CAMSAP2: variants seen among roughly 807,000 people sequenced by gnomAD.
The protein encoded by CAMSAP2 is calmodulin regulated spectrin associated protein family member 2.
A neutral mutation model predicts 146.1 loss-of-function variants in CAMSAP2; 26 were observed. The ratio of observed to expected loss-of-function variants is 0.18; its 90% CI spans 0.13 to 0.25. CAMSAP2 has a LOEUF of 0.25. Ranked by LOEUF, CAMSAP2 falls within the 10% of genes least tolerant of loss-of-function variation. CAMSAP2 has a pLI of 1.00. For synonymous variants in CAMSAP2, 499 were observed against 596.6 expected (o/e 0.84, Z 2.38); for missense variants, 1,381 against 1,759.3 (o/e 0.78, Z 3.85).
intron 2 of CAMSAP2, among the ~76,000 whole-genome samples, chr1:200,788,746 A>G (rs1179690855): frequency 2.0e-5 from 3 of 151,020 alleles, no homozygotes; most frequent in South Asian, 2.1e-4. Context: ...GGTTCAAGCA[A>G]TTCTCCTGCC....
At chr1:200,817,196 G>A (rs1394137924) in intron 4 of CAMSAP2, among the ~76,000 whole-genome samples, 1 of 84,946 alleles carries the variant, frequency 1.2e-5, no homozygotes, top group Admixed American at 1.3e-4. Context: ...ACACATGTGT[G>A]TGTGTATACA....
chr1:200,764,414 C>A (rs1040812580), intron 2 of CAMSAP2, among the ~76,000 whole-genome samples: 2 of 152,088 alleles, frequency 1.3e-5, no homozygotes, highest in Non-Finnish European at 2.9e-5. Context: ...AGAATTTACA[C>A]CAGACTGTTA....
Position 200,832,124 on chromosome 1 carries a change from G to T in CAMSAP2, c.646-76G>T, listed in dbSNP as rs780120893. ...GATTTATTTTATTACTGGTACATTA[G>T]AATTTACAGTACTGATTTTTTTCCT... On this transcript the variant is annotated intron_variant, in intron 4 of 16. Transcript: ENST00000358823. The surrounding 1 kb of genome is among the most constrained non-coding windows in gnomAD (Gnocchi z 4.2). The T allele has an allele frequency of 1.7e-6, 2 of 1,145,198 alleles. No individual in the cohort carries two copies. The highest frequency in any genetic ancestry group is 2.4e-6 in the Non-Finnish European group (2 of 818,186). The allele number at this position is 1,145,198 out of a possible 1,614,324, so 70.9% of individuals were successfully genotyped here. A position where few individuals can be genotyped will look rare whatever the true frequency, so the allele number is the denominator to read the frequency against.
At chr1:200,843,169 C>T (rs945571188) in intron 7 of CAMSAP2, among the ~76,000 whole-genome samples, 5 of 152,072 alleles carry the variant, frequency 3.3e-5, no homozygotes, top group Non-Finnish European at 5.9e-5. Flanking sequence ...AGCAGCTTTC[C>T]TTGGCTCCAA....
intron 2 of CAMSAP2, among the ~76,000 whole-genome samples, chr1:200,794,782 T>C (rs571597519): frequency 1.7e-4 from 26 of 152,344 alleles, no homozygotes; most frequent in Non-Finnish European, 2.9e-4. Flanking sequence ...TAGAGTCCCA[T>C]CTGCATTTCC....
At chr1:200,786,586 GT>G (rs59399865) in intron 2 of CAMSAP2, among the ~76,000 whole-genome samples, 26,096 of 152,108 alleles carry the variant, frequency 0.17, 2,981 homozygotes, top group East Asian at 0.35. Flanking sequence ...GTTTTGCCAT[GT>G]TGGCCAGGCT....
At chr1:200,829,023 C>T (rs577998349) in intron 4 of CAMSAP2, among the ~76,000 whole-genome samples, 8 of 152,006 alleles carry the variant, frequency 5.3e-5, no homozygotes, top group African/African-American at 9.6e-5. Flanking sequence ...GGCGTGGTGG[C>T]GCATGCCTGT....
chr1:200,754,069 G>A lies in CAMSAP2; in HGVS notation c.140-6770G>A, dbSNP rs539366062. The stretch of plus-strand genomic sequence containing the variant: ...GTGATGCCAGGAAGGCAGGGGAGGC[G>A]TGGGAAGTCTTCCTTCCCAGTACCT... On this transcript the variant is annotated intron_variant, in intron 1 of 16. Transcript: ENST00000358823. 7.2e-5 allele frequency among the ~76,000 whole-genome samples: 11 copies of A among 152,326 alleles called. No homozygotes were observed. The South Asian group carries it at 1.5e-3, about 20-fold the overall frequency.
At chr1:200,843,806 C>T (rs1051814329) in intron 7 of CAMSAP2, among the ~76,000 whole-genome samples, 1 of 151,990 alleles carries the variant, frequency 6.6e-6, no homozygotes, top group Non-Finnish European at 1.5e-5. Flanking sequence ...TCTATGAAAG[C>T]TTTCACAAAA....
rs1333219517 is a variant in CAMSAP2, at chr1:200,739,983, T to G, written c.139+17T>G. Reference sequence around the variant, plus strand: ...TTGGGACAGGTTAGTGGTGTCACCCTTTCCCTCCCCTCTTCCTCCTGATGT... The same window carrying G: ...TTGGGACAGGTTAGTGGTGTCACCCGTTCCCTCCCCTCTTCCTCCTGATGT... On this transcript the variant is annotated intron_variant, in intron 1 of 16. Coordinates refer to ENST00000358823, the MANE Select transcript of CAMSAP2 (RefSeq NM_203459.4). The surrounding 1 kb of genome is among the most constrained non-coding windows in gnomAD (Gnocchi z 4.8). The G allele has an allele frequency of 1.2e-6, 2 of 1,613,188 alleles. No homozygotes were observed. The highest frequency in any genetic ancestry group is 1.7e-6 in the Non-Finnish European group (2 of 1,179,506).
chr1:200,754,724 A>C (rs1664601284), intron 1 of CAMSAP2, among the ~76,000 whole-genome samples: 1 of 151,758 alleles, frequency 6.6e-6, no homozygotes, highest in Admixed American at 6.6e-5. Context: ...CTGGGACTAC[A>C]GGCACCCGCC....
At chr1:200,847,099 A>G in intron 8 of CAMSAP2, 111 bp from the exon 9 acceptor site, 2 of 688,924 alleles carry the variant, frequency 2.9e-6, no homozygotes, top group Non-Finnish European at 4.7e-6. Context: ...TATTTTTAAA[A>G]TTTAGGTTGT....
In CAMSAP2 at chr1:200,816,770, ACACG is replaced by A. The variant is rs1327156090; in HGVS notation, c.645+1128_645+1131del. Among the ~76,000 whole-genome samples the A allele has an allele frequency of 3.4e-4, 42 of 122,432 alleles. 8 individuals are homozygous for A. Among genetic ancestry groups the A allele is most frequent in the African/African-American group, 9.9e-4 (33 of 33,170 alleles). 80.3% of individuals were successfully genotyped at this position (122,432 alleles called of 152,430 possible). A position where few individuals can be genotyped will look rare whatever the true frequency, so the allele number is the denominator to read the frequency against. On this transcript the variant is annotated intron_variant, in intron 4 of 16. Coordinates refer to ENST00000358823, the MANE Select transcript of CAMSAP2 (RefSeq NM_203459.4). ...CGCGTGTATATATGTGTGTACACACACACGCGTGTATATATGTGTGTACACACAC... is the reference window on the plus strand; with the variant it reads ...CGCGTGTATATATGTGTGTACACACACGTGTATATATGTGTGTACACACAC...
chr1:200,801,907 C>T (rs1438337731), intron 2 of CAMSAP2, among the ~76,000 whole-genome samples: 1 of 152,094 alleles, frequency 6.6e-6, no homozygotes, highest in Non-Finnish European at 1.5e-5. Flanking sequence ...CACATTTGAG[C>T]TTTGAGAGGC....
At chr1:200,801,607 T>C (rs1042841830) in intron 2 of CAMSAP2, among the ~76,000 whole-genome samples, 1 of 152,244 alleles carries the variant, frequency 6.6e-6, no homozygotes, top group Non-Finnish European at 1.5e-5. Context: ...TAGTCCCATA[T>C]TTCTTGGAGG....
Position 200,816,968 on chromosome 1 carries a change from A to G in CAMSAP2, c.645+1324A>G, listed in dbSNP as rs1025920083. ...TGTGTGTACACACACACGCGTGTGT[A>G]TGTGTATATATCTACACATATATAC... On this transcript the variant is annotated intron_variant, in intron 4 of 16. Coordinates refer to ENST00000358823, the MANE Select transcript of CAMSAP2 (RefSeq NM_203459.4). Among the ~76,000 whole-genome samples, 27 of 60,048 alleles carry G rather than the reference A, an allele frequency of 4.5e-4. 6 individuals are homozygous for G. The highest frequency in any genetic ancestry group is 7.5e-4 in the Non-Finnish European group (25 of 33,386). 39.4% of individuals were successfully genotyped at this position (60,048 alleles called of 152,430 possible).
In CAMSAP2 at chr1:200,816,604, A is replaced by AT. The variant is rs1558190429; in HGVS notation, c.645+960_645+961insT. Among the ~76,000 whole-genome samples the AT allele has an allele frequency of 7.2e-3, 808 of 112,522 alleles. 21 individuals carry two copies. Among genetic ancestry groups the AT allele is most frequent in the East Asian group, 0.037 (144 of 3,890 alleles). 73.8% of individuals were successfully genotyped at this position (112,522 alleles called of 152,430 possible). A position where few individuals can be genotyped will look rare whatever the true frequency, so the allele number is the denominator to read the frequency against. ...AGCAAAACTTCATCTCAAAAAAAAA[A>AT]AATATATATATATATATATATGTAT... is the stretch of plus-strand genomic sequence containing the variant. On this transcript the variant is annotated intron_variant, in intron 4 of 16. Transcript: ENST00000358823.
At chr1:200,842,159 G>T in intron 7 of CAMSAP2, 72 bp downstream of exon 7, 2 of 1,114,844 alleles carry the variant, frequency 1.8e-6, no homozygotes, top group Non-Finnish European at 2.7e-6. Context: ...ACCTTACCTG[G>T]TTACATTTTT....
intron 2 of CAMSAP2, among the ~76,000 whole-genome samples, chr1:200,775,616 G>A (rs1665249180): frequency 2.0e-5 from 3 of 152,114 alleles, no homozygotes; most frequent in Non-Finnish European, 4.4e-5. Flanking sequence ...TGCAACCTCT[G>A]CCTTCCAGGT....
Sources: allele counts gnomAD v4.1 joint callset (sites outside exome capture counted in the v4.1 genomes callset), GRCh38; gene constraint gnomAD v4.1.1; non-coding constraint Gnocchi (gnomAD v3.1); transcripts MANE v1.5; gene names NCBI Gene and HGNC (gene_info 2026-07-23, HGNC 2026-07-21).